Variants in IMMP2L observed in about 807,000 individuals in gnomAD.
The protein encoded by IMMP2L is inner mitochondrial membrane peptidase subunit 2, also known as mitochondrial inner membrane protease subunit 2.
In IMMP2L, 18 loss-of-function variants were observed where a neutral mutation model predicts 19.3. The observed-to-expected ratio is 0.93, with a 90% CI of 0.64 to 1.38. IMMP2L has a LOEUF of 1.38. Ranked by LOEUF, IMMP2L falls within the 40% of genes most tolerant of loss-of-function variation. The probability of loss-of-function intolerance (pLI) is 0.00; values close to 1 mark genes in which losing one functional copy is unlikely to be tolerated. For missense variants in IMMP2L, 233 were observed against 218.2 expected (o/e 1.07, Z -0.43); for synonymous variants, 76 against 73.0 (o/e 1.04, Z -0.21).
intron 4 of IMMP2L, among the ~76,000 whole-genome samples, chr7:110,930,407 A>C (rs1815338254): frequency 6.6e-6 from 1 of 152,142 alleles, no homozygotes; most frequent in African/African-American, 2.4e-5. Flanking sequence ...TCATAAAAGC[A>C]AATGATAGTG....
At chr7:111,034,143 T>C (rs1791107530) in intron 3 of IMMP2L, among the ~76,000 whole-genome samples, 1 of 152,108 alleles carries the variant, frequency 6.6e-6, no homozygotes, top group Non-Finnish European at 1.5e-5. Context: ...TCAATAATGA[T>C]GATTAAAAAT....
chr7:111,326,239 A>G (rs1354617307), intron 3 of IMMP2L, among the ~76,000 whole-genome samples: 1 of 151,824 alleles, frequency 6.6e-6, no homozygotes, highest in Non-Finnish European at 1.5e-5. Flanking sequence ...TAAATTATGC[A>G]TTTATAAGAC....
At chr7:110,683,391 AC>A (rs987119094) in intron 5 of IMMP2L, among the ~76,000 whole-genome samples, 14 of 152,090 alleles carry the variant, frequency 9.2e-5, no homozygotes. Flanking sequence ...AGCTTTTAAT[AC>A]CACTTTGGTC....
At chr7:111,172,402 T>C (rs1711555357) in intron 3 of IMMP2L, among the ~76,000 whole-genome samples, 2 of 151,554 alleles carry the variant, frequency 1.3e-5, no homozygotes. Flanking sequence ...TGGAGTACAA[T>C]GTTACATTTT....
chr7:111,017,560 G>T (rs778349213), intron 3 of IMMP2L, among the ~76,000 whole-genome samples: 3 of 152,124 alleles, frequency 2.0e-5, no homozygotes, highest in Non-Finnish European at 4.4e-5. Context: ...CCCAGATATG[G>T]AAATTGTCTG....
At chr7:111,018,178 T>C (rs775987667) in intron 3 of IMMP2L, among the ~76,000 whole-genome samples, 10 of 152,168 alleles carry the variant, frequency 6.6e-5, no homozygotes, top group Non-Finnish European at 1.2e-4. Flanking sequence ...TTCCTATACA[T>C]ATATTGTTCT....
intron 3 of IMMP2L, among the ~76,000 whole-genome samples, chr7:111,396,346 T>C (rs1483242726): frequency 6.6e-6 from 1 of 152,122 alleles, no homozygotes; most frequent in Non-Finnish European, 1.5e-5. Context: ...AATAAGTTCA[T>C]GTCCTTTGCA....
At chr7:111,451,620 A>C (rs1164926466) in intron 3 of IMMP2L, among the ~76,000 whole-genome samples, 1 of 149,002 alleles carries the variant, frequency 6.7e-6, no homozygotes, top group Non-Finnish European at 1.5e-5. Context: ...CTAGATGACG[A>C]GTTAGGGGGT....
At chr7:111,490,658 G>A (rs1025549754) in intron 2 of IMMP2L, among the ~76,000 whole-genome samples, 1 of 151,908 alleles carries the variant, frequency 6.6e-6, no homozygotes, top group Non-Finnish European at 1.5e-5. Flanking sequence ...ACTTAGAAAT[G>A]ATTCCATTTC....
intron 3 of IMMP2L, among the ~76,000 whole-genome samples, chr7:111,038,476 T>C (rs1417137813): frequency 6.6e-6 from 1 of 152,144 alleles, no homozygotes; most frequent in Non-Finnish European, 1.5e-5. Flanking sequence ...TCAAAGACCC[T>C]GAACTAGGTT....
intron 5 of IMMP2L, among the ~76,000 whole-genome samples, chr7:110,849,951 G>C (rs1228776066): frequency 3.3e-5 from 5 of 152,146 alleles, no homozygotes; most frequent in African/African-American, 1.2e-4. Context: ...AGTGGTCTTA[G>C]AGAATGTTCA....
intron 3 of IMMP2L, among the ~76,000 whole-genome samples, chr7:111,269,773 A>G (rs930288211): frequency 3.3e-5 from 5 of 152,152 alleles, no homozygotes; most frequent in Non-Finnish European, 5.9e-5. Context: ...AAGAAGACCT[A>G]TCAAATGCAA....
intron 2 of IMMP2L, among the ~76,000 whole-genome samples, chr7:111,488,271 C>T (rs1842814917): frequency 6.6e-6 from 1 of 152,094 alleles, no homozygotes; most frequent in Admixed American, 6.5e-5. Context: ...TTCTGAGATT[C>T]TGGTGCACCC....
chr7:111,232,366 T>C (rs576146437), intron 3 of IMMP2L, among the ~76,000 whole-genome samples: 1 of 151,268 alleles, frequency 6.6e-6, no homozygotes, highest in Non-Finnish European at 1.5e-5. Flanking sequence ...TTGATTCATT[T>C]TGGAGGGTTT....
intron 1 of IMMP2L, among the ~76,000 whole-genome samples, chr7:111,539,292 A>G (rs1242974607): frequency 1.3e-5 from 2 of 152,100 alleles, no homozygotes; most frequent in Admixed American, 6.6e-5. Context: ...CGATTACTAC[A>G]TATATATCTG....
At chr7:111,384,368 G>A (rs946263709) in intron 3 of IMMP2L, among the ~76,000 whole-genome samples, 1 of 151,376 alleles carries the variant, frequency 6.6e-6, no homozygotes, top group Non-Finnish European at 1.5e-5. Context: ...GGAGGAGGGG[G>A]AATTGTATCT....
intron 3 of IMMP2L, among the ~76,000 whole-genome samples, chr7:111,045,887 C>A: frequency 6.6e-6 from 1 of 151,882 alleles, no homozygotes; most frequent in African/African-American, 2.4e-5. Flanking sequence ...GCTATAACAG[C>A]AATTTGAAAC....
intron 3 of IMMP2L, among the ~76,000 whole-genome samples, chr7:111,035,339 G>A (rs1433620154): frequency 6.6e-6 from 1 of 152,082 alleles, no homozygotes; most frequent in African/African-American, 2.4e-5. Flanking sequence ...AAGTAGAAAA[G>A]CAAAATAACA....
At chr7:111,188,600 C>T (rs1354146364) in intron 3 of IMMP2L, among the ~76,000 whole-genome samples, 1 of 152,066 alleles carries the variant, frequency 6.6e-6, no homozygotes, top group Non-Finnish European at 1.5e-5. Flanking sequence ...TCCATAAGAG[C>T]TTATTAGACG....
Sources: allele counts gnomAD v4.1 joint callset (sites outside exome capture counted in the v4.1 genomes callset), GRCh38; gene constraint gnomAD v4.1.1; transcripts MANE v1.5; gene names NCBI Gene and HGNC (gene_info 2026-07-23, HGNC 2026-07-21).